Variants in NRXN3 observed in about 807,000 individuals in gnomAD.
NRXN3 encodes the protein neurexin III.
A neutral mutation model predicts 137.6 loss-of-function variants in NRXN3; 32 were observed. The observed-to-expected ratio is 0.23, with a 90% CI of 0.18 to 0.31. The LOEUF is 0.31. NRXN3 is among the 10% of genes least tolerant of loss of function. The pLI is 1.00. For missense variants in NRXN3, 1,574 were observed against 2,062.5 expected (o/e 0.76, Z 4.59); for synonymous variants, 798 against 784.5 (o/e 1.02, Z -0.29).
chr14:78,771,273 G>A (rs1032085716), intron 8 of NRXN3, among the ~76,000 whole-genome samples: 5 of 152,154 alleles, frequency 3.3e-5, no homozygotes, highest in Admixed American at 2.0e-4. Context: ...TTGAAGGATC[G>A]ATGTCTAAGC....
chr14:79,852,870 C>CTA (rs142447642), intron 20 of NRXN3, among the ~76,000 whole-genome samples: 45 of 150,152 alleles, frequency 3.0e-4, no homozygotes, highest in East Asian at 1.8e-3. Context: ...TTATATATAT[C>CTA]TATATATATA....
At chr14:78,810,185 C>A in intron 9 of NRXN3, 133 bp from the exon 10 acceptor site, 2 of 624,954 alleles carry the variant, frequency 3.2e-6, no homozygotes, top group Non-Finnish European at 5.8e-6. Context: ...CTTGTACATA[C>A]TTTATATATA....
At chr14:78,215,605 A>C (rs996573172) in intron 1 of NRXN3, among the ~76,000 whole-genome samples, 1 of 152,140 alleles carries the variant, frequency 6.6e-6, no homozygotes, top group African/African-American at 2.4e-5. Context: ...TGGAAATTGC[A>C]TTCTGGAGGT....
At chr14:79,750,628 C>A (rs1168268234) in intron 19 of NRXN3, among the ~76,000 whole-genome samples, 1 of 152,086 alleles carries the variant, frequency 6.6e-6, no homozygotes, top group Non-Finnish European at 1.5e-5. Context: ...GATTTTCCTA[C>A]CCATTAGGAA....
intron 15 of NRXN3, among the ~76,000 whole-genome samples, chr14:79,370,439 C>T (rs949546791): frequency 7.9e-5 from 12 of 151,812 alleles, no homozygotes; most frequent in African/African-American, 2.9e-4. Context: ...CTGCCTCAGC[C>T]TCCCGAGTAG....
intron 4 of NRXN3, among the ~76,000 whole-genome samples, chr14:78,633,260 A>AAAAAAAAAAAAAAAAAAAG (rs777062744): frequency 6.7e-6 from 1 of 148,264 alleles, no homozygotes; most frequent in African/African-American, 2.5e-5. Context: ...TCAAAAAAAA[A>AAAAAAAAAAAAAAAAAAAG]AAAAAAAAGA....
chr14:79,474,623 G>A (rs1183913280), intron 16 of NRXN3, among the ~76,000 whole-genome samples: 1 of 152,072 alleles, frequency 6.6e-6, no homozygotes, highest in Non-Finnish European at 1.5e-5. Context: ...TCATTATATA[G>A]CGTTGTGTCT....
intron 6 of NRXN3, among the ~76,000 whole-genome samples, chr14:78,658,207 A>G (rs1424533045): frequency 6.6e-6 from 1 of 152,174 alleles, no homozygotes; most frequent in Non-Finnish European, 1.5e-5. Flanking sequence ...AGACATGAGA[A>G]GAGGGTGGGC....
intron 15 of NRXN3, among the ~76,000 whole-genome samples, chr14:79,457,047 TAA>T (rs879869277): frequency 4.3e-4 from 57 of 132,308 alleles, no homozygotes; most frequent in Non-Finnish European, 4.9e-4. Flanking sequence ...GTTCCAGGTT[TAA>T]AAAAAAAAAA....
At chr14:78,408,285 A>G (rs1409160262) in intron 4 of NRXN3, among the ~76,000 whole-genome samples, 3 of 152,194 alleles carry the variant, frequency 2.0e-5, no homozygotes, top group Non-Finnish European at 4.4e-5. Context: ...ATGCAATGCT[A>G]AAAGTGCCTG....
intron 16 of NRXN3, among the ~76,000 whole-genome samples, chr14:79,635,658 T>G (rs1015217011): frequency 2.0e-5 from 3 of 152,188 alleles, no homozygotes; most frequent in Non-Finnish European, 4.4e-5. Context: ...CACTCTAATC[T>G]CTGCCTGTGT....
At chr14:79,295,346 C>T (rs1336517182) in intron 15 of NRXN3, among the ~76,000 whole-genome samples, 1 of 151,954 alleles carries the variant, frequency 6.6e-6, no homozygotes, top group Non-Finnish European at 1.5e-5. Context: ...CTTAATGACC[C>T]AGTCTAAAAA....
intron 16 of NRXN3, among the ~76,000 whole-genome samples, chr14:79,556,505 T>TC (rs1280073524): frequency 6.6e-6 from 1 of 152,142 alleles, no homozygotes; most frequent in Non-Finnish European, 1.5e-5. Context: ...TTCCTCTTTT[T>TC]CCCACTCCCC....
intron 4 of NRXN3, among the ~76,000 whole-genome samples, chr14:78,544,038 T>G (rs2096616177): frequency 6.6e-6 from 1 of 152,154 alleles, no homozygotes; most frequent in Non-Finnish European, 1.5e-5. Flanking sequence ...TGGCCAAGGA[T>G]TACTTCATGG....
chr14:79,836,348 A>AT (rs754386966), intron 20 of NRXN3, among the ~76,000 whole-genome samples: 3 of 152,136 alleles, frequency 2.0e-5, no homozygotes, highest in Non-Finnish European at 4.4e-5. Flanking sequence ...GATGATGCTC[A>AT]TTCAAACTCT....
intron 19 of NRXN3, among the ~76,000 whole-genome samples, chr14:79,713,192 C>A (rs1199341616): frequency 3.7e-5 from 4 of 109,536 alleles, no homozygotes; most frequent in East Asian, 2.7e-4. Flanking sequence ...TTTTTTTTTA[C>A]CCTCTCTCTG....
intron 16 of NRXN3, among the ~76,000 whole-genome samples, chr14:79,497,163 G>C (rs532662549): frequency 6.6e-6 from 1 of 152,306 alleles, no homozygotes; most frequent in African/African-American, 2.4e-5. Flanking sequence ...GTAGTTCACT[G>C]TCCTGGGACC....
intron 4 of NRXN3, among the ~76,000 whole-genome samples, chr14:78,406,858 G>A (rs781225726): frequency 6.6e-6 from 1 of 152,148 alleles, no homozygotes; most frequent in Non-Finnish European, 1.5e-5. Flanking sequence ...GTCAGATCAT[G>A]TCAGTGGAAA....
chr14:79,203,684 G>T (rs1042174255), intron 15 of NRXN3, among the ~76,000 whole-genome samples: 1 of 152,136 alleles, frequency 6.6e-6, no homozygotes, highest in Admixed American at 6.5e-5. Context: ...CTAAAGCTTT[G>T]CAATAATAGA....
Sources: allele counts gnomAD v4.1 joint callset (sites outside exome capture counted in the v4.1 genomes callset), GRCh38; gene constraint gnomAD v4.1.1; transcripts MANE v1.5; gene names NCBI Gene and HGNC (gene_info 2026-07-23, HGNC 2026-07-21).